CADPS: variants seen among roughly 807,000 people sequenced by gnomAD.
CADPS encodes calcium-dependent secretion activator 1.
A neutral mutation model predicts 167.3 loss-of-function variants in CADPS; 57 were observed. The observed-to-expected ratio is 0.34, with a 90% CI of 0.28 to 0.42. The LOEUF is 0.42. CADPS is among the 20% of genes least tolerant of loss of function. The pLI, the probability that CADPS is intolerant of heterozygous loss-of-function variation, is 1.00. For missense variants in CADPS, 1,414 were observed against 1,738.1 expected, an observed-to-expected ratio of 0.81 and a Z score of 3.32; for synonymous variants, 676 against 635.3, an observed-to-expected ratio of 1.06 and a Z score of -0.96.
intron 21 of CADPS, among the ~76,000 whole-genome samples, chr3:62,489,152 T>C (rs1459780589): frequency 6.6e-6 from 1 of 151,206 alleles, no homozygotes; most frequent in Non-Finnish European, 1.5e-5. Flanking sequence ...AGCAGTCATG[T>C]GTTAAACTTT....
At chr3:62,806,566 C>T (rs969232054) in intron 1 of CADPS, among the ~76,000 whole-genome samples, 2 of 152,016 alleles carry the variant, frequency 1.3e-5, no homozygotes, top group Non-Finnish European at 2.9e-5. Context: ...TAAAGTCTTT[C>T]TCTCACTTAG....
chr3:62,559,493 G>A (rs1290179517), intron 9 of CADPS, among the ~76,000 whole-genome samples: 1 of 151,610 alleles, frequency 6.6e-6, no homozygotes, highest in Non-Finnish European at 1.5e-5. Context: ...ACGGTCCCAT[G>A]GGGAATTTTT....
At chr3:62,829,170 G>C (rs2152977708) in intron 1 of CADPS, among the ~76,000 whole-genome samples, 1 of 152,234 alleles carries the variant, frequency 6.6e-6, no homozygotes, top group South Asian at 2.1e-4. Context: ...GAGGCTCATG[G>C]AGTTGGGCCT....
chr3:62,658,082 G>T (rs749428691), intron 4 of CADPS, among the ~76,000 whole-genome samples: 4 of 152,146 alleles, frequency 2.6e-5, no homozygotes, highest in Non-Finnish European at 5.9e-5. Flanking sequence ...AATTGGGGGA[G>T]TCCTGTCCTG....
chr3:62,447,130 C>T (rs1281521701), intron 26 of CADPS, among the ~76,000 whole-genome samples: 1 of 152,158 alleles, frequency 6.6e-6, no homozygotes, highest in Non-Finnish European at 1.5e-5. Flanking sequence ...AAAGTTCTTT[C>T]AGTGCCAGAA....
At chr3:62,550,226 G>A (rs893735404) in intron 10 of CADPS, 111 bp from the exon 11 acceptor site, 4 of 759,378 alleles carry the variant, frequency 5.3e-6, no homozygotes, top group Non-Finnish European at 8.9e-6. Context: ...CAGAAGAGGG[G>A]GGTAGTGATT....
chr3:62,855,907 G>T (rs1360012006), intron 1 of CADPS, among the ~76,000 whole-genome samples: 3 of 151,964 alleles, frequency 2.0e-5, no homozygotes, highest in Admixed American at 2.0e-4. Flanking sequence ...AAATTTTATT[G>T]TAGTTTTGCC....
At chr3:62,494,887 T>G (rs1323147134) in intron 18 of CADPS, among the ~76,000 whole-genome samples, 1 of 151,942 alleles carries the variant, frequency 6.6e-6, no homozygotes, top group African/African-American at 2.4e-5. Context: ...GGTCTCAAAC[T>G]CCTGGCCTCA....
At chr3:62,637,854 C>A (rs1163513948) in intron 6 of CADPS, among the ~76,000 whole-genome samples, 1 of 151,934 alleles carries the variant, frequency 6.6e-6, no homozygotes, top group African/African-American at 2.4e-5. Flanking sequence ...AACAATAGTA[C>A]CTATCTCATA....
chr3:62,533,706 A>G (rs1453799959), intron 12 of CADPS, among the ~76,000 whole-genome samples: 1 of 152,182 alleles, frequency 6.6e-6, no homozygotes, highest in Non-Finnish European at 1.5e-5. Context: ...ATCTACATAC[A>G]TGCCAGGACT....
Position 62,828,081 on chromosome 3 carries a change from G to A in CADPS, c.441+46508C>T, listed in dbSNP as rs534210013. 3.9e-5 allele frequency among the ~76,000 whole-genome samples: 6 copies of A among 152,208 alleles called. No homozygotes were observed. In the South Asian group the frequency reaches 8.3e-4, roughly 21 times the overall value. ...GGACTGTCCTATGCCTTGTGGGGTC[G>A]GTAGCAATGGTGGGTTCCCAACCAT... On this transcript the variant is annotated intron_variant, in intron 1 of 29. Transcript: ENST00000383710.
intron 21 of CADPS, among the ~76,000 whole-genome samples, chr3:62,483,380 G>A (rs1185551903): frequency 7.6e-6 from 1 of 130,950 alleles, no homozygotes; most frequent in Non-Finnish European, 1.6e-5. Context: ...GTGGGGGGGT[G>A]GAGGTGGGTA....
At chr3:62,616,206 T>G (rs2062261089) in intron 6 of CADPS, among the ~76,000 whole-genome samples, 1 of 152,246 alleles carries the variant, frequency 6.6e-6, no homozygotes, top group African/African-American at 2.4e-5. Flanking sequence ...TTTTCCATTC[T>G]GATTGCTTGT....
intron 3 of CADPS, among the ~76,000 whole-genome samples, chr3:62,666,371 A>C (rs549876247): frequency 6.6e-6 from 1 of 152,278 alleles, no homozygotes; most frequent in African/African-American, 2.4e-5. Context: ...CCAAAATATA[A>C]AGAGAAATCA....
At position 62,875,240 on chromosome 3, in the gene CADPS, A is replaced by G; in HGVS notation, c.-211T>C. The stretch of plus-strand genomic sequence containing the variant: ...TCAGACCCAGAAGCGCGAAGGGAGG[A>G]GGGGAAGGGAGAGGTGCGTCCGTGG... On this transcript the variant is annotated 5_prime_UTR_variant, in exon 1 of 30. Transcript: ENST00000383710. The G allele has an allele frequency of 2.2e-6, 1 of 448,716 alleles. No individual in the cohort carries two copies. Among genetic ancestry groups the G allele is most frequent in the Non-Finnish European group, 3.5e-6 (1 of 285,534 alleles). The allele number at this position is 448,716 out of a possible 1,614,324, so 27.8% of individuals were successfully genotyped here.
chr3:62,562,660 G>A (rs192979358), intron 9 of CADPS, among the ~76,000 whole-genome samples: 31 of 152,286 alleles, frequency 2.0e-4, no homozygotes, highest in Admixed American at 1.1e-3. Flanking sequence ...TCTTATGTGT[G>A]CATGCAGGCC....
At position 62,550,034 on chromosome 3, in the gene CADPS, C is replaced by T. The variant is rs1456108074; in HGVS notation, c.1835G>A (p.Arg612His). The T allele has an allele frequency of 4.3e-6, 7 of 1,614,050 alleles. No individual in the cohort carries two copies. Among genetic ancestry groups the T allele is most frequent in the East Asian group, 2.2e-5 (1 of 44,876 alleles). ...ATACATGGCCTGGACCCACAGGATGCGGTCTTGTTCATCGTCACTGGCAAA... is the reference window on the plus strand; with the variant it reads ...ATACATGGCCTGGACCCACAGGATGTGGTCTTGTTCATCGTCACTGGCAAA... ...VIFASDDEQD[R>H]ILWVQAMYRA... The change falls in exon 11 of 30, where the codon CGC (arginine) becomes CAC (histidine). Residue 612 changes from arginine (R) to histidine (H), a missense_variant. This residue lies in a region of CADPS where 529 missense variants were observed against 629.6 expected (regional missense o/e 0.84). Transcript: ENST00000383710.
intron 3 of CADPS, among the ~76,000 whole-genome samples, chr3:62,734,277 T>C (rs1455751121): frequency 2.6e-5 from 4 of 152,130 alleles, no homozygotes; most frequent in Admixed American, 6.6e-5. Flanking sequence ...GTGCTGTCCA[T>C]TTTAGCAGCC....
In CADPS at chr3:62,478,382, T is replaced by G; in HGVS notation, c.3208A>C (p.Lys1070Gln). Reference sequence around the variant, plus strand: ...ATGAAGGTCTGAAGGGCGTCAAGTTTCCAAAACAGATCTTCTGAGGTGCCT... The same window carrying G: ...ATGAAGGTCTGAAGGGCGTCAAGTTGCCAAAACAGATCTTCTGAGGTGCCT... ...GSGTSEDLFW[K>Q]LDALQTFIRD... Residue 1070 changes from lysine to glutamine, a missense_variant, in exon 23 of 30, where the codon AAA (lysine) becomes CAA (glutamine). Lys to Gln is a moderately conservative substitution (Grantham distance 53). This residue lies in a region of CADPS where 529 missense variants were observed against 629.6 expected (regional missense o/e 0.84). Transcript: ENST00000383710. The surrounding 1 kb of genome is among the most constrained non-coding windows in gnomAD (Gnocchi z 5.7). The G allele has an allele frequency of 6.2e-7, 1 of 1,613,776 alleles. No individual in the cohort carries two copies. Among genetic ancestry groups the G allele is most frequent in the Non-Finnish European group, 8.5e-7 (1 of 1,179,802 alleles).
Sources: allele counts gnomAD v4.1 joint callset (sites outside exome capture counted in the v4.1 genomes callset), GRCh38; gene constraint gnomAD v4.1.1; regional missense constraint gnomAD v4.1.1; non-coding constraint Gnocchi (gnomAD v3.1); transcripts MANE v1.5; gene names NCBI Gene and HGNC (gene_info 2026-07-23, HGNC 2026-07-21).